The following CDKAL1 variants were observed in gnomAD, a reference collection of about 807,000 sequenced individuals.
CDKAL1 encodes the protein threonylcarbamoyladenosine tRNA methylthiotransferase.
CDKAL1 carries 32 observed loss-of-function variants against 68.2 expected under a neutral mutation model. The ratio of observed to expected loss-of-function variants is 0.47; its 90% CI spans 0.35 to 0.63. CDKAL1 has a LOEUF of 0.63. Among genes scored for constraint, CDKAL1 ranks in the 30% least tolerant of loss-of-function variants. CDKAL1 has a pLI of 0.00. For synonymous variants in CDKAL1, 234 were observed against 244.3 expected (o/e 0.96, Z 0.39); for missense variants, 606 against 696.7 (o/e 0.87, Z 1.47).
chr6:21,011,674 T>G (rs1768029754), intron 11 of CDKAL1, among the ~76,000 whole-genome samples: 1 of 152,174 alleles, frequency 6.6e-6, no homozygotes, highest in African/African-American at 2.4e-5. Flanking sequence ...TTAAATCCAG[T>G]ATGCAAGGAA....
At chr6:20,830,668 C>G (rs1366806223) in intron 8 of CDKAL1, among the ~76,000 whole-genome samples, 10 of 152,112 alleles carry the variant, frequency 6.6e-5, no homozygotes. Context: ...TTCTCCCCTC[C>G]CCTGTGCCCC....
intron 13 of CDKAL1, among the ~76,000 whole-genome samples, chr6:21,119,517 T>A (rs992701678): frequency 6.6e-6 from 1 of 152,220 alleles, no homozygotes; most frequent in Admixed American, 6.5e-5. Flanking sequence ...TAAATATCTG[T>A]TGATTGGAGA....
chr6:21,041,312 T>C (rs993645197), intron 11 of CDKAL1, among the ~76,000 whole-genome samples: 1 of 152,206 alleles, frequency 6.6e-6, no homozygotes. Context: ...TTTAAAATAT[T>C]TGAAATAATA....
intron 12 of CDKAL1, among the ~76,000 whole-genome samples, chr6:21,083,332 TC>T (rs1477498140): frequency 6.6e-6 from 1 of 152,182 alleles, no homozygotes; most frequent in African/African-American, 2.4e-5. Context: ...CTCAAAAGTT[TC>T]AGATTTTGGA....
intron 8 of CDKAL1, among the ~76,000 whole-genome samples, chr6:20,810,625 T>TGG (rs979871842): frequency 3.1e-3 from 249 of 79,326 alleles, no homozygotes; most frequent in African/African-American, 0.011. Context: ...TGTGTATGTA[T>TGG]GGGTGTGTGT....
chr6:20,918,764 T>C (rs1470723167), intron 9 of CDKAL1, among the ~76,000 whole-genome samples: 1 of 152,220 alleles, frequency 6.6e-6, no homozygotes, highest in Non-Finnish European at 1.5e-5. Context: ...AATTTGCACA[T>C]GGGAGGCTAT....
intron 13 of CDKAL1, among the ~76,000 whole-genome samples, chr6:21,145,767 G>T (rs908837681): frequency 1.3e-5 from 2 of 152,164 alleles, no homozygotes; most frequent in Non-Finnish European, 2.9e-5. Flanking sequence ...GGGCCTGGTG[G>T]CATACACTTG....
At chr6:21,144,680 G>T (rs926074533) in intron 13 of CDKAL1, among the ~76,000 whole-genome samples, 1 of 150,018 alleles carries the variant, frequency 6.7e-6, no homozygotes, top group Non-Finnish European at 1.5e-5. Flanking sequence ...TGTACCTATA[G>T]TCCCAGCTAC....
intron 9 of CDKAL1, among the ~76,000 whole-genome samples, chr6:20,932,913 T>C (rs1763531852): frequency 6.6e-6 from 1 of 152,196 alleles, no homozygotes; most frequent in Admixed American, 6.5e-5. Context: ...AGATGTTTTT[T>C]GTGTTATTGA....
intron 5 of CDKAL1, among the ~76,000 whole-genome samples, chr6:20,722,778 A>G (rs926159324): frequency 4.6e-5 from 7 of 152,012 alleles, no homozygotes; most frequent in African/African-American, 1.7e-4. Context: ...AAAACTACCT[A>G]TGGGCTGCCC....
intron 4 of CDKAL1, among the ~76,000 whole-genome samples, chr6:20,601,769 C>T (rs1352779643): frequency 4.6e-5 from 7 of 152,138 alleles, no homozygotes; most frequent in African/African-American, 1.4e-4. Context: ...TAACCGAGGC[C>T]CGCAGAGATT....
At chr6:20,916,044 G>C (rs936095844) in intron 9 of CDKAL1, among the ~76,000 whole-genome samples, 1 of 152,308 alleles carries the variant, frequency 6.6e-6, no homozygotes, top group Non-Finnish European at 1.5e-5. Context: ...GAGAATAAAG[G>C]CTATAAAGGG....
intron 13 of CDKAL1, among the ~76,000 whole-genome samples, chr6:21,126,638 A>G (rs1775028841): frequency 1.3e-5 from 2 of 151,578 alleles, no homozygotes; most frequent in Non-Finnish European, 2.9e-5. Flanking sequence ...TTCTATTTGT[A>G]TTGCTCAAAT....
chr6:21,001,821 C>G (rs955360180), intron 11 of CDKAL1, among the ~76,000 whole-genome samples: 13 of 152,290 alleles, frequency 8.5e-5, no homozygotes, highest in African/African-American at 3.1e-4. Flanking sequence ...GTCAGTTGCA[C>G]TTGTGAAATT....
chr6:20,859,864 G>A (rs1286339370), intron 9 of CDKAL1, among the ~76,000 whole-genome samples: 2 of 152,138 alleles, frequency 1.3e-5, no homozygotes, highest in African/African-American at 4.8e-5. Flanking sequence ...GCATCCAACT[G>A]TTGTTTCTTA....
chr6:20,873,306 G>A (rs140594827), intron 9 of CDKAL1, among the ~76,000 whole-genome samples: 6 of 152,182 alleles, frequency 3.9e-5, no homozygotes, highest in East Asian at 1.9e-4. Flanking sequence ...TGTAGATTTG[G>A]GAACTCTTTG....
At chr6:20,833,662 G>T (rs1777813388) in intron 8 of CDKAL1, among the ~76,000 whole-genome samples, 1 of 152,052 alleles carries the variant, frequency 6.6e-6, no homozygotes, top group Non-Finnish European at 1.5e-5. Context: ...AACACATATT[G>T]GTCATTCTTT....
chr6:21,049,631 G>C (rs945270023), intron 11 of CDKAL1, among the ~76,000 whole-genome samples: 2 of 152,150 alleles, frequency 1.3e-5, no homozygotes, highest in African/African-American at 4.8e-5. Context: ...GCTATGGAAT[G>C]CAAGCATAGT....
Position 20,613,249 on chromosome 6 carries a change from C to CTTTTTTT in CDKAL1, c.287-36007_287-36001dup, listed in dbSNP as rs71559677. ...TATCAGTTCATCACAAAATTTCTTT[C>CTTTTTTT]TTTTTTTTTTTTTTTTTTTTTTTTT... On this transcript the variant is annotated intron_variant, in intron 4 of 15. Transcript: ENST00000274695. Among the ~76,000 whole-genome samples, 74 of 77,850 alleles carry CTTTTTTT rather than the reference C, an allele frequency of 9.5e-4. 9 individuals carry two copies. Among genetic ancestry groups the CTTTTTTT allele is most frequent in the South Asian group, 1.7e-3 (4 of 2,388 alleles). The allele number at this position is 77,850 out of a possible 152,430, so 51.1% of individuals were successfully genotyped here.
Sources: gnomAD v4.1 joint callset for allele counts (sites outside exome capture counted in the v4.1 genomes callset) on GRCh38, gnomAD v4.1.1 for gene constraint, MANE v1.5 for transcripts, NCBI Gene and HGNC (gene_info 2026-07-23, HGNC 2026-07-21) for gene names.